Variants in PMS1 observed in about 807,000 individuals in gnomAD.
PMS1 encodes PMS1 protein homolog 1.
A neutral mutation model predicts 93.1 loss-of-function variants in PMS1; 79 were observed. The ratio of observed to expected loss-of-function variants is 0.85; its 90% CI spans 0.71 to 1.02. The LOEUF is 1.02. Ranked by LOEUF, PMS1 falls within the 50% of genes least tolerant of loss-of-function variation. PMS1 has a pLI of 0.00. For missense variants in PMS1, 1,064 were observed against 1,085.3 expected (o/e 0.98, Z 0.28); for synonymous variants, 335 against 363.4 (o/e 0.92, Z 0.89).
intron 6 of PMS1, among the ~76,000 whole-genome samples, chr2:189,850,127 A>G (rs774812980): frequency 6.6e-6 from 1 of 152,014 alleles, no homozygotes; most frequent in Non-Finnish European, 1.5e-5. Context: ...GAAAATTTGT[A>G]TTTTATCTAT....
At chr2:189,790,605 T>C (rs762629655) in intron 1 of PMS1, among the ~76,000 whole-genome samples, 8 of 152,192 alleles carry the variant, frequency 5.3e-5, no homozygotes, top group Admixed American at 1.3e-4. Context: ...TAATAATAAG[T>C]ATAATGTTTT....
At chr2:189,806,227 T>A in intron 4 of PMS1, 1 of 265,106 alleles carries the variant, frequency 3.8e-6, no homozygotes, top group Non-Finnish European at 7.3e-6. Flanking sequence ...GTTTCAATAA[T>A]TTATCAATTC....
intron 12 of PMS1, among the ~76,000 whole-genome samples, chr2:189,876,281 G>A (rs1273980733): frequency 6.6e-6 from 1 of 152,114 alleles, no homozygotes; most frequent in Non-Finnish European, 1.5e-5. Context: ...AATAAGAGCT[G>A]TAGGTACTAT....
At chr2:189,868,419 C>G (rs2056856975) in intron 11 of PMS1, among the ~76,000 whole-genome samples, 1 of 152,180 alleles carries the variant, frequency 6.6e-6, no homozygotes, top group Non-Finnish European at 1.5e-5. Context: ...ACCCTCTTTG[C>G]TCAGTATGGA....
intron 5 of PMS1, among the ~76,000 whole-genome samples, chr2:189,827,011 T>A (rs952367153): frequency 4.6e-5 from 7 of 152,200 alleles, no homozygotes. Context: ...TATTCACATA[T>A]ACAATTCTAG....
At chr2:189,804,661 G>C (rs1348775428) in intron 3 of PMS1, among the ~76,000 whole-genome samples, 16 of 152,040 alleles carry the variant, frequency 1.1e-4, no homozygotes, top group Admixed American at 1.0e-3. Flanking sequence ...GTTAGGGCAG[G>C]GTGACAGAAC....
At chr2:189,838,679 A>G (rs1176564524) in intron 5 of PMS1, among the ~76,000 whole-genome samples, 2 of 152,194 alleles carry the variant, frequency 1.3e-5, no homozygotes, top group Non-Finnish European at 2.9e-5. Flanking sequence ...TGGTTCTGTT[A>G]ACACAGCCCA....
chr2:189,838,116 T>C (rs1012264736), intron 5 of PMS1, among the ~76,000 whole-genome samples: 1 of 152,210 alleles, frequency 6.6e-6, no homozygotes, highest in African/African-American at 2.4e-5. Flanking sequence ...ATAAAAACCA[T>C]TGAATTATAA....
At chr2:189,826,772 G>C (rs146853891) in intron 5 of PMS1, among the ~76,000 whole-genome samples, 1 of 152,094 alleles carries the variant, frequency 6.6e-6, no homozygotes, top group Non-Finnish European at 1.5e-5. Flanking sequence ...TTTATAGGAG[G>C]GAGGGCTGCA....
chr2:189,823,168 C>T (rs886816972), intron 5 of PMS1, among the ~76,000 whole-genome samples: 4 of 151,852 alleles, frequency 2.6e-5, no homozygotes, highest in Admixed American at 6.6e-5. Context: ...ACAAATACCC[C>T]GTTACTCCTA....
chr2:189,846,171 C>T (rs2106423884), intron 6 of PMS1, among the ~76,000 whole-genome samples: 1 of 152,018 alleles, frequency 6.6e-6, no homozygotes, highest in East Asian at 1.9e-4. Context: ...GCCAGAAGCT[C>T]AAGACCAGCC....
intron 4 of PMS1, among the ~76,000 whole-genome samples, chr2:189,809,789 G>A (rs2106295515): frequency 6.6e-6 from 1 of 152,226 alleles, no homozygotes; most frequent in South Asian, 2.1e-4. Flanking sequence ...CCGAGATTGT[G>A]CCATTGCACT....
chr2:189,817,529 AT>A, intron 4 of PMS1, among the ~76,000 whole-genome samples: 1 of 152,286 alleles, frequency 6.6e-6, no homozygotes, highest in Non-Finnish European at 1.5e-5. Context: ...AGTTAAAAAA[AT>A]TCTTTTGTTA....
chr2:189,845,073 G>A (rs1434158074), intron 6 of PMS1, among the ~76,000 whole-genome samples: 1 of 152,030 alleles, frequency 6.6e-6, no homozygotes, highest in Non-Finnish European at 1.5e-5. Flanking sequence ...GCCCAGGCTG[G>A]TCTCGATCCT....
intron 3 of PMS1, among the ~76,000 whole-genome samples, chr2:189,805,256 A>G (rs2050230495): frequency 2.0e-5 from 3 of 152,164 alleles, no homozygotes; most frequent in African/African-American, 7.2e-5. Flanking sequence ...GGGAATGATC[A>G]CTTTACCAAA....
intron 11 of PMS1, among the ~76,000 whole-genome samples, chr2:189,872,704 C>T (rs1575401033): frequency 6.6e-6 from 1 of 152,288 alleles, no homozygotes; most frequent in East Asian, 1.9e-4. Context: ...ACGATCTCAG[C>T]TCACTGCAAC....
At chr2:189,826,827 G>A (rs1174088007) in intron 5 of PMS1, among the ~76,000 whole-genome samples, 1 of 152,118 alleles carries the variant, frequency 6.6e-6, no homozygotes, top group Non-Finnish European at 1.5e-5. Flanking sequence ...CATAGTACAG[G>A]ATGGAATATT....
At chr2:189,796,442 A>G (rs985552924) in intron 3 of PMS1, among the ~76,000 whole-genome samples, 2 of 152,206 alleles carry the variant, frequency 1.3e-5, no homozygotes, top group Non-Finnish European at 2.9e-5. Context: ...GGCATTAGCT[A>G]CAGTCACATT....
rs1472063251 is a variant in PMS1, at chr2:189,791,889, A to G, written c.80A>G (p.Glu27Gly). The G allele has an allele frequency of 1.9e-6, 3 of 1,614,002 alleles. No homozygotes were observed. The highest frequency in any genetic ancestry group is 1.7e-5 in the Admixed American group (1 of 60,020). ...ACTTCGGTGGTCAGTGTTGTAAAAG[A>G]GCTTATTGAAAACTCCTTGGATGCT... The part of the protein sequence containing the change: ...IITSVVSVVK[E>G]LIENSLDAGA... Residue 27 changes from glutamate to glycine, a missense_variant, in exon 2 of 13, where the codon GAG becomes GGG. Transcript: ENST00000441310.
Sources: allele counts gnomAD v4.1 joint callset (sites outside exome capture counted in the v4.1 genomes callset), GRCh38; gene constraint gnomAD v4.1.1; transcripts MANE v1.5; gene names NCBI Gene and HGNC (gene_info 2026-07-23, HGNC 2026-07-21).